GPC5: variants seen among roughly 807,000 people sequenced by gnomAD.
GPC5 encodes glypican 5.
Under a neutral mutation model 53.9 loss-of-function variants are expected in GPC5, and 47 were observed. That is an observed-to-expected ratio of 0.87 (90% CI 0.69 to 1.11). The LOEUF is 1.11. GPC5 is among the 50% of genes most tolerant of loss of function. The pLI, the probability that GPC5 is intolerant of heterozygous loss-of-function variation, is 0.00. For synonymous variants in GPC5, 286 were observed against 263.3 expected (o/e 1.09, Z -0.84); for missense variants, 748 against 713.1 (o/e 1.05, Z -0.56).
intron 7 of GPC5, among the ~76,000 whole-genome samples, chr13:92,552,558 T>C (rs748952135): frequency 6.6e-6 from 1 of 151,926 alleles, no homozygotes; most frequent in African/African-American, 2.4e-5. Context: ...AAATGTTAAT[T>C]ATTTCAGAAG....
intron 7 of GPC5, among the ~76,000 whole-genome samples, chr13:92,527,182 G>A (rs868644801): frequency 2.2e-4 from 10 of 45,158 alleles, no homozygotes; most frequent in Non-Finnish European, 3.7e-4. Flanking sequence ...GAGAAAGAAA[G>A]AAGAAAGAAA....
At chr13:92,376,372 T>C (rs1478857401) in intron 7 of GPC5, among the ~76,000 whole-genome samples, 2 of 152,182 alleles carry the variant, frequency 1.3e-5, no homozygotes, top group Admixed American at 6.6e-5. Flanking sequence ...TTCTCATCTG[T>C]AGGAGGTAGG....
intron 7 of GPC5, among the ~76,000 whole-genome samples, chr13:92,463,250 T>C (rs1468793030): frequency 6.6e-6 from 1 of 152,218 alleles, no homozygotes; most frequent in Non-Finnish European, 1.5e-5. Flanking sequence ...GGTGTTACAT[T>C]TTCTTCTCTC....
chr13:91,446,730 C>T (rs1388478344), intron 1 of GPC5, among the ~76,000 whole-genome samples: 1 of 152,120 alleles, frequency 6.6e-6, no homozygotes, highest in Non-Finnish European at 1.5e-5. Flanking sequence ...TCTTGTCTGT[C>T]TTTTGGATTG....
At chr13:91,482,936 G>T (rs985199690) in intron 2 of GPC5, among the ~76,000 whole-genome samples, 1 of 151,788 alleles carries the variant, frequency 6.6e-6, no homozygotes, top group Non-Finnish European at 1.5e-5. Context: ...CTACATTTAG[G>T]AGTACAGCTG....
At position 91,675,926 on chromosome 13, in the gene GPC5, C is replaced by T. The variant is rs550706862; in HGVS notation, c.326-17261C>T. On this transcript the variant is annotated intron_variant, in intron 2 of 7. Coordinates refer to ENST00000377067, the MANE Select transcript of GPC5 (RefSeq NM_004466.6). ...AATATCTCACTCCAGGGTGGTTCGACTTTTAGAAATGTCAGGGTCAGGTTT... is the reference window on the plus strand; with the variant it reads ...AATATCTCACTCCAGGGTGGTTCGATTTTTAGAAATGTCAGGGTCAGGTTT... 4.6e-5 allele frequency among the ~76,000 whole-genome samples: 7 copies of T among 152,228 alleles called. No homozygotes were observed. In the South Asian group the frequency reaches 1.2e-3, roughly 27 times the overall value.
chr13:91,955,007 T>C (rs2040060547), intron 6 of GPC5, among the ~76,000 whole-genome samples: 1 of 152,126 alleles, frequency 6.6e-6, no homozygotes, highest in African/African-American at 2.4e-5. Context: ...TATCAGATAA[T>C]TAGGAATTAA....
At chr13:92,235,078 CA>C (rs892070768) in intron 7 of GPC5, among the ~76,000 whole-genome samples, 2 of 152,110 alleles carry the variant, frequency 1.3e-5, no homozygotes, top group African/African-American at 2.4e-5. Flanking sequence ...AACCAATTGA[CA>C]TGAACTCAAT....
chr13:92,542,756 G>A (rs1881972523), intron 7 of GPC5, among the ~76,000 whole-genome samples: 1 of 151,978 alleles, frequency 6.6e-6, no homozygotes, highest in Non-Finnish European at 1.5e-5. Flanking sequence ...GTTAGGTACA[G>A]TATTCTTGAC....
intron 6 of GPC5, among the ~76,000 whole-genome samples, chr13:92,130,187 G>A (rs568020508): frequency 2.0e-5 from 3 of 151,994 alleles, no homozygotes; most frequent in African/African-American, 7.2e-5. Flanking sequence ...ACACAAAAGT[G>A]AGACACAGTA....
rs1384066514 is a variant in GPC5, at chr13:92,683,399, A to G, written c.1562-182883A>G. On this transcript the variant is annotated intron_variant, in intron 7 of 7. Coordinates refer to ENST00000377067, the MANE Select transcript of GPC5 (RefSeq NM_004466.6). ...CTTAGCACACTAGTCATGAAGAAAT[A>G]GAACACATCTTTCTCTTTCTAGATC... is the stretch of plus-strand genomic sequence containing the variant. Among the ~76,000 whole-genome samples the G allele has an allele frequency of 3.3e-5, 5 of 152,140 alleles. No homozygotes were observed. The East Asian group carries it at 7.7e-4, about 23-fold the overall frequency.
intron 7 of GPC5, among the ~76,000 whole-genome samples, chr13:92,167,528 T>C (rs974852444): frequency 6.6e-6 from 1 of 152,194 alleles, no homozygotes; most frequent in Non-Finnish European, 1.5e-5. Context: ...AGAGATATTA[T>C]ACAAATGATG....
intron 6 of GPC5, among the ~76,000 whole-genome samples, chr13:92,138,620 T>G (rs2041804854): frequency 6.6e-6 from 1 of 152,220 alleles, no homozygotes; most frequent in African/African-American, 2.4e-5. Flanking sequence ...TATGTTCGCT[T>G]AAGGGTGCAT....
rs1314377652 is a variant in GPC5 at position 92,754,898 on chromosome 13, A to G, written c.1562-111384A>G. On this transcript the variant is annotated intron_variant, in intron 7 of 7. Coordinates refer to ENST00000377067, the MANE Select transcript of GPC5 (RefSeq NM_004466.6). ...TAATAATGGGAGACTTTAACACCCC[A>G]CTGTCAACATTAGACAGATCAACGA... Among the ~76,000 whole-genome samples the G allele has an allele frequency of 4.0e-5, 6 of 148,618 alleles. No individual in the cohort carries two copies. In the South Asian group the frequency reaches 1.1e-3, roughly 27 times the overall value.
chr13:92,735,117 C>A (rs1324693284), intron 7 of GPC5, among the ~76,000 whole-genome samples: 1 of 151,824 alleles, frequency 6.6e-6, no homozygotes, highest in Non-Finnish European at 1.5e-5. Flanking sequence ...GCTTAAAAAG[C>A]AGACAAAATA....
intron 5 of GPC5, among the ~76,000 whole-genome samples, chr13:91,897,371 G>GCA (rs907398183): frequency 1.3e-5 from 2 of 148,908 alleles, no homozygotes; most frequent in East Asian, 2.0e-4. Flanking sequence ...GTGTGTGTGC[G>GCA]CCTGTGCATG....
At chr13:92,528,104 T>A (rs2138983030) in intron 7 of GPC5, among the ~76,000 whole-genome samples, 1 of 152,178 alleles carries the variant, frequency 6.6e-6, no homozygotes, top group African/African-American at 2.4e-5. Flanking sequence ...ACTAGAGAAT[T>A]GAAACCTAAA....
At chr13:92,475,649 A>G (rs1056906171) in intron 7 of GPC5, among the ~76,000 whole-genome samples, 2 of 152,180 alleles carry the variant, frequency 1.3e-5, no homozygotes, top group African/African-American at 4.8e-5. Context: ...CTACAAGGCT[A>G]CAGTAACCAA....
In GPC5 at chr13:91,694,884, C is replaced by T. The variant is rs550910866; in HGVS notation, c.1020+1003C>T. The stretch of plus-strand genomic sequence containing the variant: ...TCAGCTTCCCAAAGTGCTGGAATTA[C>T]AGGCATGAGCCACCGCGCCCAGCGA... On this transcript the variant is annotated intron_variant, in intron 3 of 7. Transcript: ENST00000377067. Among the ~76,000 whole-genome samples, 235 of 152,310 alleles carry T rather than the reference C, an allele frequency of 1.5e-3. 1 individual carries two copies. The highest frequency in any genetic ancestry group is 5.4e-3 in the African/African-American group (223 of 41,572).
Sources: gnomAD v4.1 joint callset for allele counts (sites outside exome capture counted in the v4.1 genomes callset) on GRCh38, gnomAD v4.1.1 for gene constraint, MANE v1.5 for transcripts, NCBI Gene and HGNC (gene_info 2026-07-23, HGNC 2026-07-21) for gene names.